Variants in LYPLAL1 observed in about 807,000 individuals in gnomAD.
LYPLAL1 encodes lysophospholipase like 1, also known as lysophospholipase-like protein 1.
In LYPLAL1, 23 loss-of-function variants were observed where a neutral mutation model predicts 19.7. The ratio of observed to expected loss-of-function variants is 1.17; its 90% CI spans 0.84 to 1.65. The LOEUF is 1.65. Among genes scored for constraint, LYPLAL1 ranks in the 40% most tolerant of loss-of-function variants. LYPLAL1 has a pLI of 0.00. For missense variants in LYPLAL1, 355 were observed against 279.4 expected, an observed-to-expected ratio of 1.27 and a Z score of -1.93; for synonymous variants, 119 against 96.3, an observed-to-expected ratio of 1.24 and a Z score of -1.38.
At chr1:219,210,172 T>G (rs1658894760) in intron 3 of LYPLAL1, among the ~76,000 whole-genome samples, 1 of 152,166 alleles carries the variant, frequency 6.6e-6, no homozygotes, top group Admixed American at 6.6e-5. Flanking sequence ...TTAATTGCGT[T>G]GCAGTGTGAG....
chr1:219,269,944 G>A, the LYPLAL1 span, among the ~76,000 whole-genome samples: 1 of 152,142 alleles, frequency 6.6e-6, no homozygotes, highest in African/African-American at 2.4e-5. Flanking sequence ...ACAAAAATAT[G>A]AACGAACTTT....
At chr1:219,377,635 T>C in the LYPLAL1 span, among the ~76,000 whole-genome samples, 1 of 152,164 alleles carries the variant, frequency 6.6e-6, no homozygotes, top group Admixed American at 6.6e-5. Flanking sequence ...CTTTAATTAG[T>C]ATTTGGCTGA....
the LYPLAL1 span, among the ~76,000 whole-genome samples, chr1:219,343,158 C>A: frequency 6.6e-6 from 1 of 152,086 alleles, no homozygotes; most frequent in East Asian, 1.9e-4. Flanking sequence ...CCCCAATCAG[C>A]AATGATTTTG....
the LYPLAL1 span, among the ~76,000 whole-genome samples, chr1:219,439,294 C>T: frequency 1.3e-5 from 2 of 152,252 alleles, no homozygotes; most frequent in African/African-American, 4.8e-5. Context: ...TAACATGGAA[C>T]TCTTGGTAAC....
chr1:219,417,548 C>T, the LYPLAL1 span, among the ~76,000 whole-genome samples: 4 of 152,136 alleles, frequency 2.6e-5, no homozygotes, highest in Non-Finnish European at 5.9e-5. Context: ...GAATTTGCAA[C>T]CAGAACCACT....
At chr1:219,351,098 T>C in the LYPLAL1 span, among the ~76,000 whole-genome samples, 1 of 151,896 alleles carries the variant, frequency 6.6e-6, no homozygotes, top group African/African-American at 2.4e-5. Context: ...ATATTTGTAG[T>C]GCAGCTTCTG....
chr1:219,381,807 CA>C, the LYPLAL1 span, among the ~76,000 whole-genome samples: 49 of 152,078 alleles, frequency 3.2e-4, no homozygotes, highest in African/African-American at 1.2e-3. Flanking sequence ...ACTAAAGATA[CA>C]AAAAAGATTA....
the LYPLAL1 span, among the ~76,000 whole-genome samples, chr1:219,382,505 G>A: frequency 1.3e-5 from 2 of 152,022 alleles, no homozygotes; most frequent in South Asian, 2.1e-4. Flanking sequence ...GACTACAGGC[G>A]CCCACCACTG....
chr1:219,344,696 A>C, the LYPLAL1 span, among the ~76,000 whole-genome samples: 3 of 152,116 alleles, frequency 2.0e-5, 1 homozygote, highest in South Asian at 6.2e-4. Context: ...TCCCTTTGAC[A>C]TCCCCAGACT....
At chr1:219,419,166 A>G in the LYPLAL1 span, among the ~76,000 whole-genome samples, 2 of 152,202 alleles carry the variant, frequency 1.3e-5, no homozygotes, top group East Asian at 3.9e-4. Context: ...TAGGGTAAGT[A>G]TCAAGAAGAG....
the LYPLAL1 span, among the ~76,000 whole-genome samples, chr1:219,264,174 C>T: frequency 6.6e-6 from 1 of 152,182 alleles, no homozygotes; most frequent in Non-Finnish European, 1.5e-5. Flanking sequence ...GTCTGTATCA[C>T]ACAGTACTAA....
At chr1:219,407,769 A>G in the LYPLAL1 span, among the ~76,000 whole-genome samples, 3 of 152,148 alleles carry the variant, frequency 2.0e-5, no homozygotes, top group African/African-American at 4.8e-5. Flanking sequence ...TGGGTAGCTT[A>G]AACAACAAAC....
At chr1:219,308,901 C>T in the LYPLAL1 span, among the ~76,000 whole-genome samples, 23 of 152,176 alleles carry the variant, frequency 1.5e-4, no homozygotes, top group African/African-American at 2.2e-4. Flanking sequence ...AGAGAGCCAG[C>T]GTTCTCCAGA....
chr1:219,344,173 T>C, the LYPLAL1 span, among the ~76,000 whole-genome samples: 2 of 152,224 alleles, frequency 1.3e-5, no homozygotes, highest in Admixed American at 6.5e-5. Flanking sequence ...TCTGTATTCA[T>C]TGGTAAACTC....
At chr1:219,352,773 C>A in the LYPLAL1 span, among the ~76,000 whole-genome samples, 1 of 152,116 alleles carries the variant, frequency 6.6e-6, no homozygotes, top group Non-Finnish European at 1.5e-5. Context: ...TCACCACTAG[C>A]CCAGCTTAGG....
chr1:219,225,807 C>T, the LYPLAL1 span, among the ~76,000 whole-genome samples: 1 of 152,182 alleles, frequency 6.6e-6, no homozygotes. Context: ...GCTTCACCTC[C>T]TGCCTCTCGT....
chr1:219,402,048 T>C, the LYPLAL1 span, among the ~76,000 whole-genome samples: 2 of 152,190 alleles, frequency 1.3e-5, no homozygotes, highest in Admixed American at 1.3e-4. Context: ...GGGTCTTTCT[T>C]GGACAATTCA....
At chr1:219,384,363 A>G in the LYPLAL1 span, among the ~76,000 whole-genome samples, 4 of 152,242 alleles carry the variant, frequency 2.6e-5, no homozygotes, top group African/African-American at 7.2e-5. Context: ...TGCAGTTTCA[A>G]TTATAGCAAA....
At chr1:219,289,271 A>G in the LYPLAL1 span, among the ~76,000 whole-genome samples, 156 of 152,136 alleles carry the variant, frequency 1.0e-3, 7 homozygotes, top group East Asian at 0.028. Context: ...CCACCTCCCA[A>G]TCATCGTGAT....
Sources: allele counts gnomAD v4.1 joint callset (sites outside exome capture counted in the v4.1 genomes callset), GRCh38; gene constraint gnomAD v4.1.1; transcripts MANE v1.5; gene names NCBI Gene and HGNC (gene_info 2026-07-23, HGNC 2026-07-21).